NDRG1: variants seen among roughly 807,000 people sequenced by gnomAD.
NDRG1 encodes the protein N-myc downstream regulated 1, also known as protein NDRG1.
Under a neutral mutation model 56.9 loss-of-function variants are expected in NDRG1, and 32 were observed. The observed-to-expected ratio is 0.56, with a 90% CI of 0.42 to 0.76. The LOEUF is 0.76. NDRG1 is among the 30% of genes least tolerant of loss of function. NDRG1 has a pLI of 0.00. For synonymous variants in NDRG1, 211 were observed against 204.1 expected, an observed-to-expected ratio of 1.03 and a Z score of -0.29; for missense variants, 507 against 545.7, an observed-to-expected ratio of 0.93 and a Z score of 0.71.
intron 3 of NDRG1, among the ~76,000 whole-genome samples, chr8:133,278,891 T>C (rs1487968321): frequency 3.7e-5 from 5 of 133,500 alleles, no homozygotes; most frequent in Admixed American, 1.4e-4. Context: ...CTTCTTCTTT[T>C]TTTTTTTTTT....
At chr8:133,286,983 C>T (rs1401151697) in intron 1 of NDRG1, among the ~76,000 whole-genome samples, 4 of 152,118 alleles carry the variant, frequency 2.6e-5, no homozygotes, top group African/African-American at 9.7e-5. Context: ...CAGCTGCTGG[C>T]GGTCCACCAT....
chr8:133,295,555 C>G (rs1858702064), intron 1 of NDRG1, among the ~76,000 whole-genome samples: 1 of 152,216 alleles, frequency 6.6e-6, no homozygotes, highest in Admixed American at 6.5e-5. Context: ...GGCAGCCCTT[C>G]CAAGAAAGGC....
intron 3 of NDRG1, among the ~76,000 whole-genome samples, chr8:133,277,521 C>T (rs1857518074): frequency 6.6e-6 from 1 of 152,092 alleles, no homozygotes; most frequent in Non-Finnish European, 1.5e-5. Flanking sequence ...GAGCCAAGAT[C>T]GCACCACTAC....
At chr8:133,274,645 G>A (rs754641351) in intron 3 of NDRG1, among the ~76,000 whole-genome samples, 1 of 152,168 alleles carries the variant, frequency 6.6e-6, no homozygotes, top group Non-Finnish European at 1.5e-5. Flanking sequence ...CTGAACATAA[G>A]CCCAATGAAG....
At chr8:133,243,892 T>C (rs1225082610) in intron 14 of NDRG1, among the ~76,000 whole-genome samples, 1 of 152,176 alleles carries the variant, frequency 6.6e-6, no homozygotes, top group African/African-American at 2.4e-5. Context: ...ATGTGTTTAT[T>C]TGTACATGTG....
chr8:133,259,946 C>T (rs1221569773), intron 5 of NDRG1, among the ~76,000 whole-genome samples: 1 of 152,156 alleles, frequency 6.6e-6, no homozygotes, highest in African/African-American at 2.4e-5. Context: ...AGCGTGTGGG[C>T]AGGGAAGCAG....
In NDRG1 at chr8:133,241,289, C is replaced by T. The variant is rs76317833; in HGVS notation, c.943+734G>A. 7.9e-3 allele frequency: 1,219 copies of T among 153,368 alleles called. 5 individuals carry two copies. Among genetic ancestry groups the T allele is most frequent in the Middle Eastern group, 0.017 (5 of 294 alleles). 9.5% of individuals were successfully genotyped at this position (153,368 alleles called of 1,614,324 possible). On this transcript the variant is annotated intron_variant, in intron 15 of 15. Transcript: ENST00000323851. The stretch of plus-strand genomic sequence containing the variant: ...GCTGCTGTTCAGCCGAGTTACAACT[C>T]GCCAGGGTCTGTCCTAGTCCTGGGA...
intron 5 of NDRG1, among the ~76,000 whole-genome samples, chr8:133,260,663 C>T (rs2130732152): frequency 6.6e-6 from 1 of 152,354 alleles, no homozygotes; most frequent in Non-Finnish European, 1.5e-5. Context: ...CCACGTCCCA[C>T]TGTTTTAATA....
intron 1 of NDRG1, chr8:133,296,649 C>T (rs998520970): frequency 1.6e-5 from 7 of 428,498 alleles, no homozygotes; most frequent in Non-Finnish European, 3.3e-5. Context: ...CTCTACCAAC[C>T]CCTCATCTAC....
chr8:133,267,436 C>T (rs1856977303), intron 3 of NDRG1, among the ~76,000 whole-genome samples: 3 of 152,158 alleles, frequency 2.0e-5, no homozygotes, highest in Admixed American at 6.5e-5. Flanking sequence ...CCCCCAACAC[C>T]GTTAAGTCCC....
intron 3 of NDRG1, among the ~76,000 whole-genome samples, chr8:133,276,526 TGGGGTCAGG>T (rs1410960611): frequency 5.9e-5 from 9 of 152,184 alleles, no homozygotes; most frequent in African/African-American, 1.9e-4. Flanking sequence ...AATTGAATCA[TGGGGTCAGG>T]TTTTGCCTGT....
At chr8:133,261,308 G>A (rs776348144) in intron 5 of NDRG1, among the ~76,000 whole-genome samples, 7 of 151,938 alleles carry the variant, frequency 4.6e-5, no homozygotes, top group Non-Finnish European at 8.8e-5. Context: ...GTTTCATCAC[G>A]TTGGCCGGAG....
At position 133,238,259 on chromosome 8, in the gene NDRG1, T is replaced by C. The variant is rs1453849826; in HGVS notation, c.*619A>G. 3.4e-5 allele frequency: 8 copies of C among 232,738 alleles called. No individual in the cohort carries two copies. The highest frequency in any genetic ancestry group is 6.8e-5 in the Non-Finnish European group (8 of 117,792). 14.4% of individuals were successfully genotyped at this position (232,738 alleles called of 1,614,324 possible). A position where few individuals can be genotyped will look rare whatever the true frequency, so the allele number is the denominator to read the frequency against. On this transcript the variant is annotated 3_prime_UTR_variant, in exon 16 of 16. Coordinates refer to ENST00000323851, the MANE Select transcript of NDRG1 (RefSeq NM_006096.4). ...GTTTGCTTCTGCATTCAAAGCTTTCTAGATGCACCAACTTTAAAAATCGGT... is the reference window on the plus strand; with the variant it reads ...GTTTGCTTCTGCATTCAAAGCTTTCCAGATGCACCAACTTTAAAAATCGGT...
At chr8:133,272,714 T>C (rs577052587) in intron 3 of NDRG1, among the ~76,000 whole-genome samples, 1 of 152,232 alleles carries the variant, frequency 6.6e-6, no homozygotes, top group African/African-American at 2.4e-5. Flanking sequence ...TTTGTGCTGA[T>C]CCAGATGAGC....
At chr8:133,240,678 G>C (rs180774272) in intron 15 of NDRG1, 2 of 152,172 alleles carry the variant, frequency 1.3e-5, no homozygotes, top group African/African-American at 4.8e-5. Flanking sequence ...TTCCCCCCAA[G>C]ACCTGCAGGA....
intron 1 of NDRG1, among the ~76,000 whole-genome samples, chr8:133,293,549 TTG>T (rs1297416425): frequency 8.5e-5 from 13 of 152,180 alleles, no homozygotes; most frequent in Admixed American, 7.9e-4. Flanking sequence ...ATGTGATGCA[TTG>T]AACCTCCAAG....
intron 3 of NDRG1, among the ~76,000 whole-genome samples, chr8:133,275,646 C>T (rs951990989): frequency 2.6e-5 from 4 of 152,188 alleles, no homozygotes; most frequent in South Asian, 4.1e-4. Flanking sequence ...CTTCAAAGCA[C>T]CTACAGAAGC....
Position 133,247,874 on chromosome 8 carries a change from C to T in NDRG1, c.807+1G>A. The T allele has an allele frequency of 6.2e-7, 1 of 1,614,076 alleles. No individual in the cohort carries two copies. The highest frequency in any genetic ancestry group is 8.5e-7 in the Non-Finnish European group (1 of 1,179,994). On this transcript the variant is annotated splice_donor_variant, in intron 12 of 15. Coordinates refer to ENST00000323851, the MANE Select transcript of NDRG1 (RefSeq NM_006096.4). LOFTEE classifies it high-confidence loss of function. ...AGAAATCAGCTGTGATTTCTACATA[C>T]CACGGCATCCACTGCAGGCGAGCTG...
At chr8:133,280,385 G>T in intron 2 of NDRG1, 118 bp from the exon 3 acceptor site, 1 of 959,364 alleles carries the variant, frequency 1.0e-6, no homozygotes. Context: ...TCCTTTGTGG[G>T]GTCTCCTTAA....
Sources: gnomAD v4.1 joint callset for allele counts (sites outside exome capture counted in the v4.1 genomes callset) on GRCh38, gnomAD v4.1.1 for gene constraint, MANE v1.5 for transcripts, NCBI Gene and HGNC (gene_info 2026-07-23, HGNC 2026-07-21) for gene names.